The following DNA2 variants were observed in gnomAD, a reference collection of about 807,000 sequenced individuals.
DNA2 encodes DNA replication ATP-dependent helicase/nuclease DNA2.
A neutral mutation model predicts 119.1 loss-of-function variants in DNA2; 101 were observed. The observed-to-expected ratio is 0.85, with a 90% CI of 0.72 to 1.00. The LOEUF (loss-of-function observed/expected upper bound fraction) is 1.00, where lower values mean the gene tolerates loss of function less well. Ranked by LOEUF, DNA2 falls within the 50% of genes least tolerant of loss-of-function variation. The pLI is 0.00. For missense variants in DNA2, 1,121 were observed against 1,255.5 expected (o/e 0.89, Z 1.62); for synonymous variants, 366 against 424.4 (o/e 0.86, Z 1.69).
Position 68,457,766 on chromosome 10 carries a change from C to T in DNA2, c.719+1338G>A, listed in dbSNP as rs1475916573. Among the ~76,000 whole-genome samples, 3 of 147,682 alleles carry T rather than the reference C, an allele frequency of 2.0e-5. No homozygotes were observed. The South Asian group carries it at 6.4e-4, about 31-fold the overall frequency. Reference sequence around the variant, plus strand: ...AAAAAAAAAAAAACTTGAAAATACACATAATGCCAAACAGCATTAAATGGC... The same window carrying T: ...AAAAAAAAAAAAACTTGAAAATACATATAATGCCAAACAGCATTAAATGGC... On this transcript the variant is annotated intron_variant, in intron 5 of 20. Coordinates refer to ENST00000358410, the MANE Select transcript of DNA2 (RefSeq NM_001080449.3).
chr10:68,457,848 T>C (rs911535725), intron 5 of DNA2, among the ~76,000 whole-genome samples: 1 of 151,484 alleles, frequency 6.6e-6, no homozygotes, highest in Non-Finnish European at 1.5e-5. Flanking sequence ...ACACAGACTA[T>C]ATGCTAGTAA....
At chr10:68,421,818 T>TC (rs1482376219) in intron 17 of DNA2, among the ~76,000 whole-genome samples, 1 of 137,236 alleles carries the variant, frequency 7.3e-6, no homozygotes, top group Non-Finnish European at 1.5e-5. Context: ...AGTTTTGCCT[T>TC]TTTTTTTCCC....
Position 68,422,695 on chromosome 10 carries a change from A to G in DNA2, c.2402+2T>C, listed in dbSNP as rs1278738834. On this transcript the variant is annotated splice_donor_variant, in intron 15 of 20. Coordinates refer to ENST00000358410, the MANE Select transcript of DNA2 (RefSeq NM_001080449.3). LOFTEE classifies it high-confidence loss of function. ...AAAATTAACACTTAAGTGTCTGCCTACCTTGCTTCACGGTTTAGCACCAGG... is the reference window on the plus strand; with the variant it reads ...AAAATTAACACTTAAGTGTCTGCCTGCCTTGCTTCACGGTTTAGCACCAGG... 1 of 1,613,326 alleles carries G rather than the reference A, an allele frequency of 6.2e-7. No individual in the cohort carries two copies. Among genetic ancestry groups the G allele is most frequent in the Admixed American group, 1.7e-5 (1 of 59,924 alleles).
At chr10:68,427,241 C>G (rs971475527) in intron 14 of DNA2, among the ~76,000 whole-genome samples, 2 of 151,918 alleles carry the variant, frequency 1.3e-5, no homozygotes, top group Non-Finnish European at 2.9e-5. Context: ...GCCTGTAATC[C>G]CAGCTACTTG....
chr10:68,424,519 A>T, intron 14 of DNA2: 1 of 668,152 alleles, frequency 1.5e-6, no homozygotes, highest in Non-Finnish European at 2.7e-6. Context: ...AAAAAAAAAA[A>T]ACAAAACAGG....
chr10:68,428,219 C>T (rs558040574), intron 14 of DNA2, among the ~76,000 whole-genome samples: 2 of 151,586 alleles, frequency 1.3e-5, no homozygotes, highest in African/African-American at 4.9e-5. Context: ...CCCAGCTACT[C>T]GGGAGGCTGA....
At chr10:68,445,215 A>G (rs577758126) in intron 7 of DNA2, 132 bp from the exon 8 acceptor site, 6 of 842,678 alleles carry the variant, frequency 7.1e-6, no homozygotes, top group Non-Finnish European at 1.1e-5. Context: ...CTGTAATCCC[A>G]ACACTTGGGG....
intron 8 of DNA2, 134 bp from the exon 9 acceptor site, chr10:68,443,245 A>T: frequency 1.3e-6 from 1 of 774,490 alleles, no homozygotes; most frequent in Non-Finnish European, 1.9e-6. Flanking sequence ...AATGTTCCTT[A>T]AAAGTCATTT....
chr10:68,466,822 G>A (rs10998204), intron 3 of DNA2, among the ~76,000 whole-genome samples: 22,817 of 151,932 alleles, frequency 0.15, 1,879 homozygotes, highest in East Asian at 0.26. Flanking sequence ...CTCGTGATCC[G>A]CCAGCCTTGG....
chr10:68,453,720 T>C (rs1465391935), intron 5 of DNA2, among the ~76,000 whole-genome samples: 1 of 152,204 alleles, frequency 6.6e-6, no homozygotes, highest in African/African-American at 2.4e-5. Flanking sequence ...TTCAGTACAG[T>C]AACATGTAGT....
chr10:68,420,134 A>G (rs1317349015), intron 17 of DNA2, among the ~76,000 whole-genome samples: 4 of 152,246 alleles, frequency 2.6e-5, no homozygotes, highest in Non-Finnish European at 2.9e-5. Context: ...AGCTGATCAC[A>G]CACTGAGCTT....
chr10:68,466,954 T>A (rs948510109), intron 3 of DNA2, among the ~76,000 whole-genome samples: 2 of 152,094 alleles, frequency 1.3e-5, no homozygotes, highest in Non-Finnish European at 2.9e-5. Context: ...CTAGGGAGGC[T>A]GAGGTGGCCT....
chr10:68,465,714 T>C lies in DNA2; in HGVS notation c.540A>G (p.Gln180=), dbSNP rs755232315. 1.2e-5 allele frequency: 20 copies of C among 1,608,666 alleles called. No individual in the cohort carries two copies. In the East Asian group the frequency reaches 4.5e-4, roughly 36 times the overall value. ...INNSFAPEKL[Q]ELAFQTIQEI... The stretch of plus-strand genomic sequence containing the variant: ...CTTGAATTGTTTGAAAAGCAAGTTC[T>C]TGTAGCTTTTCTGGGGCAAAGCTAT... Residue 180 remains glutamine, a synonymous_variant, in exon 4 of 21, where the codon CAA becomes CAG. Transcript: ENST00000358410.
intron 9 of DNA2, among the ~76,000 whole-genome samples, chr10:68,439,339 A>G (rs533129459): frequency 4.9e-4 from 74 of 151,958 alleles, no homozygotes; most frequent in African/African-American, 1.6e-3. Context: ...GGTTGTGGTG[A>G]GCCAAGATTG....
chr10:68,443,768 C>A lies in DNA2; in HGVS notation c.1221-657G>T, dbSNP rs187838486. On this transcript the variant is annotated intron_variant, in intron 8 of 20. Coordinates refer to ENST00000358410, the MANE Select transcript of DNA2 (RefSeq NM_001080449.3). ...GTTCGAGACCAGCCTGGGCAACACA[C>A]GGTGAAATCCCGTCTCTACTAAAAT... 2.1e-3 allele frequency among the ~76,000 whole-genome samples: 318 copies of A among 150,186 alleles called. 1 individual carries two copies. Among genetic ancestry groups the A allele is most frequent in the African/African-American group, 7.4e-3 (303 of 40,794 alleles).
intron 10 of DNA2, 69 bp downstream of exon 10, chr10:68,436,942 T>C: frequency 8.2e-7 from 1 of 1,220,322 alleles, no homozygotes; most frequent in Non-Finnish European, 1.2e-6. Flanking sequence ...ACATTTTAAA[T>C]GGATGAACTA....
At chr10:68,462,753 G>A (rs1367384486) in intron 4 of DNA2, among the ~76,000 whole-genome samples, 1 of 152,178 alleles carries the variant, frequency 6.6e-6, no homozygotes, top group Non-Finnish European at 1.5e-5. Context: ...TCTGTAAGGA[G>A]GAGATAATAA....
chr10:68,454,614 T>C (rs1030422266), intron 5 of DNA2, among the ~76,000 whole-genome samples: 1 of 151,968 alleles, frequency 6.6e-6, no homozygotes, highest in African/African-American at 2.4e-5. Context: ...GAGACCAGCC[T>C]GGTCAGCATG....
chr10:68,437,474 T>TAAAAA (rs764493127), intron 9 of DNA2, among the ~76,000 whole-genome samples: 1 of 140,682 alleles, frequency 7.1e-6, no homozygotes, highest in Non-Finnish European at 1.5e-5. Flanking sequence ...CTATCTCTAC[T>TAAAAA]AAAAAAAAAA....
Sources: gnomAD v4.1 joint callset for allele counts (sites outside exome capture counted in the v4.1 genomes callset) on GRCh38, gnomAD v4.1.1 for gene constraint, MANE v1.5 for transcripts, NCBI Gene and HGNC (gene_info 2026-07-23, HGNC 2026-07-21) for gene names.